CCSER1: variants seen among roughly 807,000 people sequenced by gnomAD.
CCSER1 encodes coiled-coil serine rich protein 1.
In CCSER1, 41 loss-of-function variants were observed where a neutral mutation model predicts 82.0. The observed-to-expected ratio is 0.50, with a 90% CI of 0.39 to 0.65. The LOEUF (loss-of-function observed/expected upper bound fraction) is 0.65, where lower values mean the gene tolerates loss of function less well. Among genes scored for constraint, CCSER1 ranks in the 30% least tolerant of loss-of-function variants. The pLI, the probability that CCSER1 is intolerant of heterozygous loss-of-function variation, is 0.00. For synonymous variants in CCSER1, 414 were observed against 383.9 expected (o/e 1.08, Z -0.92); for missense variants, 1,119 against 1,064.2 (o/e 1.05, Z -0.72).
intron 1 of CCSER1, among the ~76,000 whole-genome samples, chr4:90,180,027 T>C (rs1329922763): frequency 6.6e-6 from 1 of 151,772 alleles, no homozygotes; most frequent in African/African-American, 2.4e-5. Flanking sequence ...TAGACTAAAT[T>C]TTCTTATGGC....
At chr4:91,521,662 G>C (rs1202937338) in intron 10 of CCSER1, among the ~76,000 whole-genome samples, 1 of 152,124 alleles carries the variant, frequency 6.6e-6, no homozygotes, top group Non-Finnish European at 1.5e-5. Flanking sequence ...GTGTCTGTTG[G>C]CTGCATAAAT....
intron 5 of CCSER1, among the ~76,000 whole-genome samples, chr4:90,532,882 ATTCTGTTCTTACTGT>A (rs1774760087): frequency 6.6e-6 from 1 of 151,780 alleles, no homozygotes; most frequent in African/African-American, 2.4e-5. Context: ...GCTTTTTTGT[ATTCTGTTCTTACTGT>A]TTCTGTTCAG....
chr4:90,510,435 AT>A (rs33960936), intron 5 of CCSER1, among the ~76,000 whole-genome samples: 647 of 152,190 alleles, frequency 4.3e-3, no homozygotes, highest in African/African-American at 0.013. Context: ...TATAACATTA[AT>A]TTTTTTTATG....
intron 10 of CCSER1, among the ~76,000 whole-genome samples, chr4:91,542,691 T>C (rs967640299): frequency 5.9e-5 from 9 of 152,310 alleles, no homozygotes; most frequent in Non-Finnish European, 1.0e-4. Context: ...TTCTGTTCTT[T>C]TACATTTGCT....
intron 10 of CCSER1, among the ~76,000 whole-genome samples, chr4:91,458,052 A>C (rs112176333): frequency 5.9e-4 from 90 of 152,252 alleles, no homozygotes; most frequent in African/African-American, 2.1e-3. Flanking sequence ...CATGCTTTTG[A>C]GGTCTTTCTC....
chr4:90,404,427 A>T (rs1355460779), intron 4 of CCSER1, among the ~76,000 whole-genome samples: 1 of 152,084 alleles, frequency 6.6e-6, no homozygotes, highest in Admixed American at 6.6e-5. Context: ...TGGGTGTTCT[A>T]TGGCCCTTCC....
At chr4:91,229,045 C>T (rs1006812594) in intron 10 of CCSER1, among the ~76,000 whole-genome samples, 1 of 152,028 alleles carries the variant, frequency 6.6e-6, no homozygotes, top group Non-Finnish European at 1.5e-5. Context: ...GTAGAGCGGG[C>T]CAATGATAAA....
chr4:90,308,878 C>T lies in CCSER1; in HGVS notation c.594C>T (p.Ser198=). 1 of 1,613,810 alleles carries T rather than the reference C, an allele frequency of 6.2e-7. No homozygotes were observed. The highest frequency in any genetic ancestry group is 8.5e-7 in the Non-Finnish European group (1 of 1,179,806). The change falls in exon 2 of 11, where the codon AGC becomes AGT. Residue 198 remains serine, a synonymous_variant. Transcript: ENST00000509176. ...HYKFSKPVLQ[S]QSISLVQQSE... is the part of the protein sequence containing the mutation. The stretch of plus-strand genomic sequence containing the variant: ...AATTTTCTAAGCCAGTTCTACAGAG[C>T]CAATCCATTTCATTGGTACAACAGT...
At chr4:90,338,672 A>T (rs1298674862) in intron 3 of CCSER1, among the ~76,000 whole-genome samples, 1 of 152,232 alleles carries the variant, frequency 6.6e-6, no homozygotes, top group Non-Finnish European at 1.5e-5. Flanking sequence ...TATACAAAAA[A>T]TAATGAAAAT....
chr4:91,411,947 A>G (rs1016409010), intron 10 of CCSER1, among the ~76,000 whole-genome samples: 9 of 152,018 alleles, frequency 5.9e-5, no homozygotes, highest in African/African-American at 2.2e-4. Flanking sequence ...TAATCCTTGG[A>G]CCCTGAAAGG....
At chr4:90,896,230 G>A (rs1349606261) in intron 8 of CCSER1, among the ~76,000 whole-genome samples, 1 of 151,948 alleles carries the variant, frequency 6.6e-6, no homozygotes, top group African/African-American at 2.4e-5. Flanking sequence ...AAAATTAGAA[G>A]ATGACGAAGT....
At chr4:90,616,301 T>C (rs1721180358) in intron 5 of CCSER1, among the ~76,000 whole-genome samples, 1 of 152,150 alleles carries the variant, frequency 6.6e-6, no homozygotes, top group South Asian at 2.1e-4. Flanking sequence ...TCAATGATTC[T>C]AGGAAACTTT....
At chr4:91,544,481 T>C (rs1761777085) in intron 10 of CCSER1, among the ~76,000 whole-genome samples, 1 of 152,214 alleles carries the variant, frequency 6.6e-6, no homozygotes, top group South Asian at 2.1e-4. Flanking sequence ...GATGTACAGA[T>C]GGGGTTTTGG....
At position 90,785,099 on chromosome 4, in the gene CCSER1, T is replaced by C. The variant is rs373854676; in HGVS notation, c.2011-30663T>C. 6.9e-4 allele frequency among the ~76,000 whole-genome samples: 105 copies of C among 152,264 alleles called. 1 individual carries two copies. In the South Asian group the frequency reaches 0.021, roughly 30 times the overall value. On this transcript the variant is annotated intron_variant, in intron 7 of 10. Transcript: ENST00000509176. ...ATTTTTGAGATGGAGTGCAGTGGCA[T>C]GATCTCAGCTCACTGCAACCTCTGC...
rs1183477675 is a variant in CCSER1 at position 90,523,885 on chromosome 4, G to A, written c.1724+55531G>A. On this transcript the variant is annotated intron_variant, in intron 5 of 10. Coordinates refer to ENST00000509176, the MANE Select transcript of CCSER1 (RefSeq NM_001145065.2). Reference sequence around the variant, plus strand: ...GGCATATAACCATGAAATTAATTCTGTATATAGTATTAAGCTAAAGATGTC... The same window carrying A: ...GGCATATAACCATGAAATTAATTCTATATATAGTATTAAGCTAAAGATGTC... Among the ~76,000 whole-genome samples, 14 of 152,160 alleles carry A rather than the reference G, an allele frequency of 9.2e-5. No individual in the cohort carries two copies. In the East Asian group the frequency reaches 2.7e-3, roughly 29 times the overall value.
chr4:90,838,947 A>G (rs772950160), intron 8 of CCSER1: 10 of 1,613,380 alleles, frequency 6.2e-6, no homozygotes, highest in Non-Finnish European at 5.9e-6. Flanking sequence ...GTTTCTTTGG[A>G]AGGCAGTGGA....
intron 10 of CCSER1, among the ~76,000 whole-genome samples, chr4:91,581,557 G>C (rs771059125): frequency 7.9e-5 from 12 of 151,542 alleles, no homozygotes; most frequent in Non-Finnish European, 1.5e-4. Flanking sequence ...CAAACTGAGG[G>C]GCTGCAGGAT....
chr4:90,485,743 A>C (rs746428558), intron 5 of CCSER1, among the ~76,000 whole-genome samples: 2 of 151,838 alleles, frequency 1.3e-5, no homozygotes, highest in Non-Finnish European at 2.9e-5. Context: ...GTTCCCCTCT[A>C]TGTATCCATG....
chr4:90,705,659 A>T (rs576283574), intron 6 of CCSER1, among the ~76,000 whole-genome samples: 168 of 152,274 alleles, frequency 1.1e-3, no homozygotes, highest in African/African-American at 4.0e-3. Flanking sequence ...TACCTACTCA[A>T]GCCTCAGCAA....
Sources: gnomAD v4.1 joint callset for allele counts (sites outside exome capture counted in the v4.1 genomes callset) on GRCh38, gnomAD v4.1.1 for gene constraint, MANE v1.5 for transcripts, NCBI Gene and HGNC (gene_info 2026-07-23, HGNC 2026-07-21) for gene names.